The following CFAP61 variants were observed in gnomAD, a reference collection of about 807,000 sequenced individuals.
CFAP61 encodes cilia and flagella associated protein 61, also known as cilia- and flagella-associated protein 61.
A neutral mutation model predicts 135.6 loss-of-function variants in CFAP61; 107 were observed. The ratio of observed to expected loss-of-function variants is 0.79; its 90% confidence interval spans 0.67 to 0.93. CFAP61 has a LOEUF of 0.93. Among genes scored for constraint, CFAP61 ranks in the 40% least tolerant of loss-of-function variants. CFAP61 has a pLI of 0.00. For synonymous variants in CFAP61, 575 were observed against 578.5 expected, an observed-to-expected ratio of 0.99 and a Z score of 0.09; for missense variants, 1,507 against 1,556.2, an observed-to-expected ratio of 0.97 and a Z score of 0.53.
chr20:20,289,052 A>G (rs953600323), intron 23 of CFAP61, 116 bp downstream of exon 23: 14 of 681,714 alleles, frequency 2.1e-5, no homozygotes, highest in Admixed American at 5.8e-5. Flanking sequence ...CCGTACCTCA[A>G]TGGGTTGCCA....
At chr20:20,163,239 A>G (rs6136956) in intron 10 of CFAP61, among the ~76,000 whole-genome samples, 137,260 of 152,182 alleles carry the variant, frequency 0.9, 62,719 homozygotes, top group Middle Eastern at 0.99. Context: ...TCTCAAAGGG[A>G]ATCATCTTCT....
chr20:20,095,725 C>T (rs1019706219), intron 7 of CFAP61: 1 of 152,294 alleles, frequency 6.6e-6, no homozygotes, highest in Non-Finnish European at 1.5e-5. Context: ...CGAGTAGGCA[C>T]CACTGACCTG....
At chr20:20,076,967 A>T (rs926462686) in intron 6 of CFAP61, among the ~76,000 whole-genome samples, 3 of 152,168 alleles carry the variant, frequency 2.0e-5, no homozygotes, top group Admixed American at 1.3e-4. Context: ...AACATCAAGC[A>T]CTTAGCACAC....
chr20:20,317,987 A>G (rs1439795314), intron 25 of CFAP61, among the ~76,000 whole-genome samples: 1 of 152,182 alleles, frequency 6.6e-6, no homozygotes, highest in Non-Finnish European at 1.5e-5. Flanking sequence ...ATAATTGACA[A>G]ATGCTGGAAG....
At chr20:20,291,609 T>C (rs1024625191) in intron 24 of CFAP61, among the ~76,000 whole-genome samples, 4 of 152,188 alleles carry the variant, frequency 2.6e-5, no homozygotes, top group African/African-American at 9.7e-5. Context: ...CTGTGATGCA[T>C]CGATAGATAA....
At chr20:20,112,465 C>T (rs2048864358) in intron 8 of CFAP61, among the ~76,000 whole-genome samples, 1 of 151,974 alleles carries the variant, frequency 6.6e-6, no homozygotes, top group African/African-American at 2.4e-5. Flanking sequence ...ATTTTTCCAT[C>T]ACTCCCTATC....
intron 22 of CFAP61, among the ~76,000 whole-genome samples, chr20:20,287,480 A>G (rs2054673712): frequency 6.6e-6 from 1 of 152,230 alleles, no homozygotes; most frequent in South Asian, 2.1e-4. Context: ...TTTAATTTAA[A>G]TTAATTTAGA....
chr20:20,352,397 C>T (rs890106092), intron 26 of CFAP61, among the ~76,000 whole-genome samples: 9 of 152,140 alleles, frequency 5.9e-5, no homozygotes, highest in African/African-American at 1.7e-4. Flanking sequence ...CTCTGTCTTT[C>T]GACAGACACG....
chr20:20,174,486 T>C (rs1324165205), intron 13 of CFAP61, among the ~76,000 whole-genome samples: 2 of 152,268 alleles, frequency 1.3e-5, no homozygotes, highest in African/African-American at 4.8e-5. Context: ...TTTAATTCTT[T>C]AAACCTTATT....
At position 20,360,462 on chromosome 20, in the gene CFAP61, C is replaced by A; in HGVS notation, c.*52C>A. The A allele has an allele frequency of 6.5e-7, 1 of 1,534,786 alleles. No homozygotes were observed. Among genetic ancestry groups the A allele is most frequent in the Non-Finnish European group, 9.0e-7 (1 of 1,116,098 alleles). ...TTTTCATTTATTTAGTTCCTGGAAA[C>A]GCGCTCTGTAGAAATAGAAAAGTTC... On this transcript the variant is annotated 3_prime_UTR_variant, in exon 27 of 27. Transcript: ENST00000245957.
chr20:20,191,269 C>G (rs2055900608), intron 14 of CFAP61, 73 bp from the exon 15 acceptor site: 1 of 1,254,316 alleles, frequency 8.0e-7, no homozygotes, highest in East Asian at 2.4e-5. Context: ...GGTTAAGACC[C>G]ACTGTTGCCT....
intron 13 of CFAP61, among the ~76,000 whole-genome samples, chr20:20,174,763 T>TAAAA (rs11087311): frequency 6.6e-6 from 1 of 150,994 alleles, no homozygotes; most frequent in Non-Finnish European, 1.5e-5. Flanking sequence ...ATGTTTGTAT[T>TAAAA]AAAAAAAAAT....
At chr20:20,070,833 C>T in intron 2 of CFAP61, 21 bp from the exon 3 acceptor site, 1 of 1,603,150 alleles carries the variant, frequency 6.2e-7, no homozygotes, top group Non-Finnish European at 8.5e-7. Flanking sequence ...TTCATGTTTG[C>T]AATTGTAATC....
chr20:20,222,321 A>G (rs942376755), intron 17 of CFAP61, among the ~76,000 whole-genome samples: 5 of 152,186 alleles, frequency 3.3e-5, no homozygotes, highest in African/African-American at 4.8e-5. Context: ...GAAATATAAG[A>G]AAAATGGAAG....
chr20:20,340,952 CT>C (rs1214293454), intron 25 of CFAP61, among the ~76,000 whole-genome samples: 1 of 152,164 alleles, frequency 6.6e-6, no homozygotes, highest in Non-Finnish European at 1.5e-5. Flanking sequence ...CCCGTGGCCC[CT>C]GGGACACTTT....
intron 14 of CFAP61, among the ~76,000 whole-genome samples, chr20:20,188,708 C>T (rs2055691640): frequency 6.6e-6 from 1 of 152,106 alleles, no homozygotes; most frequent in South Asian, 2.1e-4. Flanking sequence ...GAATATTGTG[C>T]ATAGTCACTT....
intron 22 of CFAP61, among the ~76,000 whole-genome samples, chr20:20,282,945 A>C (rs1468172678): frequency 2.0e-5 from 3 of 152,208 alleles, no homozygotes; most frequent in Non-Finnish European, 4.4e-5. Flanking sequence ...TCTCAAAAAA[A>C]AAAAAAAAAA....
intron 24 of CFAP61, among the ~76,000 whole-genome samples, chr20:20,297,107 C>G (rs2055695170): frequency 6.6e-6 from 1 of 152,140 alleles, no homozygotes; most frequent in African/African-American, 2.4e-5. Context: ...GTATATCTCA[C>G]CTTGTAACTT....
At chr20:20,240,849 AG>A (rs1188392959) in intron 18 of CFAP61, among the ~76,000 whole-genome samples, 1 of 152,166 alleles carries the variant, frequency 6.6e-6, no homozygotes, top group Admixed American at 6.5e-5. Context: ...TCTCCTTAAT[AG>A]GCAGCACTCT....
Sources: gnomAD v4.1 joint callset for allele counts (sites outside exome capture counted in the v4.1 genomes callset) on GRCh38, gnomAD v4.1.1 for gene constraint, MANE v1.5 for transcripts, NCBI Gene and HGNC (gene_info 2026-07-23, HGNC 2026-07-21) for gene names.